Variants in SNAP47 observed in about 807,000 individuals in gnomAD.
SNAP47 encodes the protein synaptosome associated protein 47.
SNAP47 carries 20 observed loss-of-function variants against 31.4 expected under a neutral mutation model. The observed-to-expected ratio is 0.64, with a 90% CI of 0.45 to 0.93. The LOEUF (loss-of-function observed/expected upper bound fraction) is 0.93. SNAP47 is among the 40% of genes least tolerant of loss of function. The pLI is 0.00. For missense variants in SNAP47, 492 were observed against 528.5 expected, an observed-to-expected ratio of 0.93 and a Z score of 0.68; for synonymous variants, 194 against 213.4, an observed-to-expected ratio of 0.91 and a Z score of 0.79.
chr1:227,743,296 A>G (rs986833079), intron 1 of SNAP47, among the ~76,000 whole-genome samples: 4 of 152,164 alleles, frequency 2.6e-5, no homozygotes, highest in African/African-American at 9.7e-5. Flanking sequence ...GGCCCTCCCC[A>G]GAAGAGGAGG....
intron 1 of SNAP47, among the ~76,000 whole-genome samples, chr1:227,743,393 G>C (rs1661746167): frequency 6.6e-6 from 1 of 152,170 alleles, no homozygotes; most frequent in South Asian, 2.1e-4. Flanking sequence ...CTGCAGTCTG[G>C]CTGAGACAGG....
At chr1:227,743,006 G>A (rs1285040273) in intron 1 of SNAP47, among the ~76,000 whole-genome samples, 5 of 152,188 alleles carry the variant, frequency 3.3e-5, no homozygotes, top group African/African-American at 4.8e-5. Flanking sequence ...GGTGGGTCCT[G>A]TGTATGGCCC....
At chr1:227,735,569 C>T in intron 1 of SNAP47, 70 bp downstream of exon 1, 6 of 1,344,578 alleles carry the variant, frequency 4.5e-6, no homozygotes, top group Non-Finnish European at 5.7e-6. Context: ...TCGGCTCAGT[C>T]CGCGCGCTGT....
chr1:227,780,719 G>A lies in SNAP47; in HGVS notation c.*46G>A, dbSNP rs1448364069. On this transcript the variant is annotated 3_prime_UTR_variant, in exon 5 of 5. Coordinates refer to ENST00000617596, the MANE Select transcript of SNAP47 (RefSeq NM_053052.4). ...CCTGTCTCACCCTGCACATCCCGCT[G>A]AGATGGAGGGCTGGGCGGCAGTGCC... 3 of 1,609,924 alleles carry A rather than the reference G, an allele frequency of 1.9e-6. No homozygotes were observed. Among genetic ancestry groups the A allele is most frequent in the Admixed American group, 3.3e-5 (2 of 59,870 alleles).
upstream of SNAP47, chr1:227,733,086 C>A: frequency 6.3e-7 from 1 of 1,580,186 alleles, no homozygotes. Context: ...CTGACCAACC[C>A]ACATCTCCTG....
chr1:227,770,259 T>A lies in SNAP47; in HGVS notation c.1113+3176T>A, dbSNP rs1351362400. Among the ~76,000 whole-genome samples, 6 of 152,170 alleles carry A rather than the reference T, an allele frequency of 3.9e-5. No homozygotes were observed. The South Asian group carries it at 1.2e-3, about 32-fold the overall frequency. The stretch of plus-strand genomic sequence containing the variant: ...ACTCATTCCATTCAGAGTCAAAGGG[T>A]TCCCAGGGAGCCGAGCCTGGTGCTG... On this transcript the variant is annotated intron_variant, in intron 4 of 4. Transcript: ENST00000617596.
rs765218060 is a variant in SNAP47, at chr1:227,747,682, T to C, written c.-45-10T>C. On this transcript the variant is annotated splice_polypyrimidine_tract_variant and intron_variant, in intron 1 of 4. Transcript: ENST00000617596. ...GTGACGGCAGAACGTTACTGTCTCT[T>C]CTCCTTCAGAGGCAGAAGAGGCCTG... 1.9e-6 allele frequency: 3 copies of C among 1,577,740 alleles called. No individual in the cohort carries two copies. The highest frequency in any genetic ancestry group is 3.5e-5 in the Admixed American group (2 of 56,922).
At chr1:227,737,983 A>G (rs1286307695) in intron 1 of SNAP47, among the ~76,000 whole-genome samples, 1 of 151,834 alleles carries the variant, frequency 6.6e-6, no homozygotes, top group Non-Finnish European at 1.5e-5. Context: ...CCGTCCAGAG[A>G]TGACTGGGGT....
chr1:227,765,127 G>A (rs532980017), intron 3 of SNAP47, among the ~76,000 whole-genome samples: 1 of 152,326 alleles, frequency 6.6e-6, no homozygotes, highest in Admixed American at 6.5e-5. Flanking sequence ...CAGTCCTTCA[G>A]CTCCCAACAC....
chr1:227,771,323 G>T (rs1453808407), intron 4 of SNAP47, among the ~76,000 whole-genome samples: 2 of 152,192 alleles, frequency 1.3e-5, no homozygotes, highest in African/African-American at 4.8e-5. Flanking sequence ...GGGGATCTGT[G>T]CCTTTACTAT....
In SNAP47 at chr1:227,769,885, T is replaced by C. The variant is rs761319675; in HGVS notation, c.1113+2802T>C. On this transcript the variant is annotated intron_variant, in intron 4 of 4. Coordinates refer to ENST00000617596, the MANE Select transcript of SNAP47 (RefSeq NM_053052.4). ...CAGTTCCCTGGGACACTCCAGCTCA[T>C]GCAGCCTCATCTGTCTTGTCCTGCT... is the stretch of plus-strand genomic sequence containing the variant. Among the ~76,000 whole-genome samples the C allele has an allele frequency of 3.9e-5, 6 of 152,324 alleles. No individual in the cohort carries two copies. The South Asian group carries it at 1.0e-3, about 26-fold the overall frequency.
At chr1:227,729,852 ACTCT>A (rs1339618016) in intron 1 of SNAP47, among the ~76,000 whole-genome samples, 1 of 151,594 alleles carries the variant, frequency 6.6e-6, no homozygotes, top group African/African-American at 2.4e-5. Flanking sequence ...ATGTTCCCTC[ACTCT>A]GTGTCCTCCC....
Position 227,769,722 on chromosome 1 carries a change from C to T in SNAP47, c.1113+2639C>T, listed in dbSNP as rs985623304. ...ACTGTGGTTGTGGAGGGTGGAGGGC[C>T]GGGGGCTGTAGGAGGTGGATTTGAC... On this transcript the variant is annotated intron_variant, in intron 4 of 4. Transcript: ENST00000617596. Among the ~76,000 whole-genome samples, 8 of 152,028 alleles carry T rather than the reference C, an allele frequency of 5.3e-5. No homozygotes were observed. The East Asian group carries it at 7.8e-4, about 15-fold the overall frequency.
chr1:227,772,314 T>G (rs1242103162), intron 4 of SNAP47, among the ~76,000 whole-genome samples: 1 of 152,094 alleles, frequency 6.6e-6, no homozygotes, highest in Non-Finnish European at 1.5e-5. Flanking sequence ...ACAGTTTCTG[T>G]GAGACACGAA....
intron 2 of SNAP47, among the ~76,000 whole-genome samples, chr1:227,757,460 C>G (rs1342271007): frequency 6.6e-6 from 1 of 152,210 alleles, no homozygotes; most frequent in Non-Finnish European, 1.5e-5. Context: ...CTACCTTCAT[C>G]AAAATCCCAA....
At chr1:227,735,356 C>G (rs762796843), upstream of SNAP47, 11 of 1,593,302 alleles carry the variant, frequency 6.9e-6, no homozygotes, top group Admixed American at 5.0e-5. Context: ...AACCAGAAGA[C>G]GCAGGGCGCC....
rs377747039 is a variant in SNAP47, at chr1:227,735,790, G to T, written c.-46+291G>T. The T allele has an allele frequency of 1.2e-3, 1,102 of 891,590 alleles. 26 individuals are homozygous for T. The South Asian group carries it at 0.026, about 21-fold the overall frequency. 55.2% of individuals were successfully genotyped at this position (891,590 alleles called of 1,614,324 possible). Reference sequence around the variant, plus strand: ...ATGGTGGGATCTAGCGGAGATGGTAGGGTCCTGGAGGAGATGGTGGGGACC... The same window carrying T: ...ATGGTGGGATCTAGCGGAGATGGTATGGTCCTGGAGGAGATGGTGGGGACC... On this transcript the variant is annotated intron_variant, in intron 1 of 4. Transcript: ENST00000617596.
chr1:227,765,483 C>T (rs2102971277), intron 3 of SNAP47, among the ~76,000 whole-genome samples: 1 of 152,346 alleles, frequency 6.6e-6, no homozygotes, highest in South Asian at 2.1e-4. Context: ...TGAGCAGCTT[C>T]ATGTGAGGGC....
chr1:227,769,651 G>T (rs748738868), intron 4 of SNAP47, among the ~76,000 whole-genome samples: 4 of 152,166 alleles, frequency 2.6e-5, no homozygotes, highest in Admixed American at 6.5e-5. Flanking sequence ...ACAGGCAGGG[G>T]TGACACGGCG....
Sources: gnomAD v4.1 joint callset for allele counts (sites outside exome capture counted in the v4.1 genomes callset) on GRCh38, gnomAD v4.1.1 for gene constraint, MANE v1.5 for transcripts, NCBI Gene and HGNC (gene_info 2026-07-23, HGNC 2026-07-21) for gene names.